The following FBXO22 variants were observed in gnomAD, a reference collection of about 807,000 sequenced individuals.
FBXO22 encodes the protein F-box protein 22.
In FBXO22, 13 loss-of-function variants were observed where a neutral mutation model predicts 37.2. The observed-to-expected ratio is 0.35, with a 90% CI of 0.23 to 0.56. The LOEUF is 0.56. Ranked by LOEUF, FBXO22 falls within the 20% of genes least tolerant of loss-of-function variation. The pLI, the probability that FBXO22 is intolerant of heterozygous loss-of-function variation, is 0.87. For synonymous variants in FBXO22, 189 were observed against 189.1 expected (o/e 1.00, Z 0.00); for missense variants, 446 against 509.9 (o/e 0.87, Z 1.21).
At chr15:75,913,073 T>A in intron 2 of FBXO22, 130 bp from the exon 3 acceptor site, 1 of 551,006 alleles carries the variant, frequency 1.8e-6, no homozygotes, top group South Asian at 2.2e-5. Context: ...AGTTGTGTGG[T>A]TTTGAGTGAG....
In FBXO22 at chr15:75,934,608, C is replaced by T. The variant is rs2030199138; in HGVS notation, c.*1506C>T. The stretch of plus-strand genomic sequence containing the variant: ...ATATGATAAAAATGCTTGGAAGAGT[C>T]CTTTAATTTATGGTTATTCTAAATC... On this transcript the variant is annotated 3_prime_UTR_variant, in exon 7 of 7. Transcript: ENST00000308275. 6.6e-6 allele frequency: 1 copy of T among 151,912 alleles called. No individual in the cohort carries two copies. Among genetic ancestry groups the T allele is most frequent in the Admixed American group, 6.6e-5 (1 of 15,256 alleles). The allele number at this position is 151,912 out of a possible 1,614,324, so 9.4% of individuals were successfully genotyped here. A position where few individuals can be genotyped will look rare whatever the true frequency, so the allele number is the denominator to read the frequency against.
In FBXO22 at chr15:75,940,248, G is replaced by A. The variant is rs1232403203; in HGVS notation, c.*7146G>A. 3 of 151,928 alleles carry A rather than the reference G, an allele frequency of 2.0e-5. No homozygotes were observed. The highest frequency in any genetic ancestry group is 1.3e-4 in the Admixed American group (2 of 15,260). 9.4% of individuals were successfully genotyped at this position (151,928 alleles called of 1,614,324 possible). A position where few individuals can be genotyped will look rare whatever the true frequency, so the allele number is the denominator to read the frequency against. On this transcript the variant is annotated 3_prime_UTR_variant, in exon 7 of 7. Transcript: ENST00000308275. ...CAAGAACAGTCCCATTTACCATAGC[G>A]TCAAAAAGAATAAAATGCACAGAAA...
At chr15:75,908,632 G>A (rs902296219) in intron 2 of FBXO22, among the ~76,000 whole-genome samples, 3 of 152,142 alleles carry the variant, frequency 2.0e-5, no homozygotes, top group Admixed American at 6.5e-5. Flanking sequence ...CAGATGACTC[G>A]AAGGTCAGGC....
intron 5 of FBXO22, among the ~76,000 whole-genome samples, chr15:75,922,043 A>C (rs1900337496): frequency 6.6e-6 from 1 of 152,158 alleles, no homozygotes; most frequent in Non-Finnish European, 1.5e-5. Context: ...TTACAATTAA[A>C]AGTATAGGAT....
At chr15:75,920,541 G>A (rs1900294401) in intron 5 of FBXO22, among the ~76,000 whole-genome samples, 1 of 152,162 alleles carries the variant, frequency 6.6e-6, no homozygotes, top group South Asian at 2.1e-4. Flanking sequence ...ATTTTATTCA[G>A]GCTGGTATGG....
intron 2 of FBXO22, among the ~76,000 whole-genome samples, chr15:75,906,724 A>G (rs1379239789): frequency 6.6e-6 from 1 of 152,148 alleles, no homozygotes; most frequent in African/African-American, 2.4e-5. Flanking sequence ...GCTTGTAGAA[A>G]ACTTTTCTTC....
intron 2 of FBXO22, among the ~76,000 whole-genome samples, chr15:75,912,423 A>G (rs1479240216): frequency 1.3e-5 from 2 of 152,150 alleles, no homozygotes; most frequent in Non-Finnish European, 2.9e-5. Flanking sequence ...TTGGTAGGCT[A>G]TTAATTACTG....
rs1478566457 is a variant in FBXO22, at chr15:75,932,689, C to T, written c.799C>T (p.Pro267Ser). 1.2e-5 allele frequency: 19 copies of T among 1,582,882 alleles called. No homozygotes were observed. The highest frequency in any genetic ancestry group is 1.5e-5 in the Non-Finnish European group (17 of 1,165,566). The change falls in exon 7 of 7, where the codon CCT (proline) becomes TCT (serine). Residue 267 changes from proline to serine, a missense_variant. By Grantham distance (74) the Pro-to-Ser change is moderately conservative. This residue lies in a region of FBXO22 where 315 missense variants were observed against 410.1 expected (regional missense o/e 0.77). Coordinates refer to ENST00000308275, the MANE Select transcript of FBXO22 (RefSeq NM_147188.3). ...CCACTTTTCTAAATTTTCCAGGAAC[C>T]CTCTGGATATTGATGCCTCGGGTGT... is the stretch of plus-strand genomic sequence containing the variant. ...NLSSLTSEKN[P>S]LDIDASGVVG... is the part of the protein sequence containing the mutation.
In FBXO22 at chr15:75,935,553, A is replaced by G. The variant is rs2030259319; in HGVS notation, c.*2451A>G. The G allele has an allele frequency of 1.3e-5, 2 of 151,620 alleles. No homozygotes were observed. Among genetic ancestry groups the G allele is most frequent in the South Asian group, 4.2e-4 (2 of 4,794 alleles). 9.4% of individuals were successfully genotyped at this position (151,620 alleles called of 1,614,324 possible). ...TTGATCCAAGTAAAATCTAAGGAAG[A>G]GGGAAAGTAAACCTTGAAATTAAGA... On this transcript the variant is annotated 3_prime_UTR_variant, in exon 7 of 7. Transcript: ENST00000308275.
In FBXO22 at chr15:75,933,049, T is replaced by A. The variant is rs1250877912; in HGVS notation, c.1159T>A (p.Phe387Ile). ...KCNEVKDDDL[F>I]HSYTTIMALI... The stretch of plus-strand genomic sequence containing the variant: ...TAATGAGGTAAAAGATGATGATCTG[T>A]TTCATAGCTATACAACAATAATGGC... Residue 387 changes from phenylalanine (F) to isoleucine (I), a missense_variant, in exon 7 of 7, where the codon TTT becomes ATT. By Grantham distance (21) the Phe-to-Ile change is conservative. This residue lies in a region of FBXO22 where 315 missense variants were observed against 410.1 expected (regional missense o/e 0.77). Coordinates refer to ENST00000308275, the MANE Select transcript of FBXO22 (RefSeq NM_147188.3). 6.2e-7 allele frequency: 1 copy of A among 1,614,180 alleles called. No individual in the cohort carries two copies. Among genetic ancestry groups the A allele is most frequent in the South Asian group, 1.1e-5 (1 of 91,088 alleles).
chr15:75,914,168 A>T lies in FBXO22; in HGVS notation c.426A>T (p.Gln142His), dbSNP rs1900131837. 1.2e-6 allele frequency: 2 copies of T among 1,613,778 alleles called. No homozygotes were observed. The highest frequency in any genetic ancestry group is 1.7e-6 in the Non-Finnish European group (2 of 1,179,812). Residue 142 changes from glutamine to histidine, a missense_variant, in exon 4 of 7, where the codon CAA becomes CAT. Transcript: ENST00000308275. ...ALALEKLFPKQCQVLGIVTPG... is the reference protein window; with the variant it reads ...ALALEKLFPKHCQVLGIVTPG... ...CCCTTGAGAAGCTATTCCCCAAACA[A>T]TGCCAAGTCCTTGGGATTGTGACCC...
At chr15:75,921,862 C>T (rs1209465343) in intron 5 of FBXO22, among the ~76,000 whole-genome samples, 2 of 152,106 alleles carry the variant, frequency 1.3e-5, no homozygotes, top group Non-Finnish European at 1.5e-5. Flanking sequence ...CTGTCTTCCA[C>T]CTCCACATCT....
chr15:75,917,509 C>A, intron 5 of FBXO22, 115 bp downstream of exon 5: 1 of 701,806 alleles, frequency 1.4e-6, no homozygotes, highest in Non-Finnish European at 2.3e-6. Flanking sequence ...GAATTAAGTA[C>A]ACCTGTCACT....
chr15:75,934,414 T>A lies in FBXO22; in HGVS notation c.*1312T>A, dbSNP rs1392253164. 6.6e-6 allele frequency: 1 copy of A among 152,244 alleles called. No individual in the cohort carries two copies. Among genetic ancestry groups the A allele is most frequent in the African/African-American group, 2.4e-5 (1 of 41,474 alleles). 9.4% of individuals were successfully genotyped at this position (152,244 alleles called of 1,614,324 possible). The stretch of plus-strand genomic sequence containing the variant: ...GCATATTCCATCTAATACAGTATGA[T>A]GTAACTAATGTTACTTTTGTAACAG... On this transcript the variant is annotated 3_prime_UTR_variant, in exon 7 of 7. Coordinates refer to ENST00000308275, the MANE Select transcript of FBXO22 (RefSeq NM_147188.3).
chr15:75,920,709 G>T (rs1415193617), intron 5 of FBXO22, among the ~76,000 whole-genome samples: 1 of 152,136 alleles, frequency 6.6e-6, no homozygotes, highest in African/African-American at 2.4e-5. Flanking sequence ...TGTAGTCCCA[G>T]CTACTTAGGA....
rs1005126924 is a variant in FBXO22 at position 75,923,487 on chromosome 15, C to T, written c.628+6093C>T. ...TGTCCTAATTTTAGGTAGAGTTGGC[C>T]TTCCATATCCATGGGTTCTGCATTC... On this transcript the variant is annotated intron_variant, in intron 5 of 6. Transcript: ENST00000308275. 2.6e-5 allele frequency among the ~76,000 whole-genome samples: 4 copies of T among 152,146 alleles called. No individual in the cohort carries two copies. The South Asian group carries it at 8.3e-4, about 32-fold the overall frequency.
At position 75,934,011 on chromosome 15, in the gene FBXO22, A is replaced by G. The variant is rs920868621; in HGVS notation, c.*909A>G. On this transcript the variant is annotated 3_prime_UTR_variant, in exon 7 of 7. Transcript: ENST00000308275. ...AATAAGAGATGTGCAGAGAGCACCA[A>G]TTTTCCTTCAATATCCATTCTTTAC... 3.3e-5 allele frequency: 5 copies of G among 153,346 alleles called. No individual in the cohort carries two copies. The highest frequency in any genetic ancestry group is 9.6e-5 in the African/African-American group (4 of 41,452). The allele number at this position is 153,346 out of a possible 1,614,324, so 9.5% of individuals were successfully genotyped here. A position where few individuals can be genotyped will look rare whatever the true frequency, so the allele number is the denominator to read the frequency against.
intron 2 of FBXO22, among the ~76,000 whole-genome samples, chr15:75,908,856 T>C (rs921871795): frequency 6.6e-6 from 1 of 152,248 alleles, no homozygotes; most frequent in Non-Finnish European, 1.5e-5. Flanking sequence ...AAATGCTGTG[T>C]GGACCAAGGA....
At chr15:75,913,182 A>ATTTTTTT in intron 2 of FBXO22, 21 bp from the exon 3 acceptor site, 5 of 1,178,226 alleles carry the variant, frequency 4.2e-6, no homozygotes, top group Non-Finnish European at 4.7e-6. Context: ...TCCAATTCCA[A>ATTTTTTT]TTTTTTTTTT....
Sources: allele counts gnomAD v4.1 joint callset (sites outside exome capture counted in the v4.1 genomes callset), GRCh38; gene constraint gnomAD v4.1.1; regional missense constraint gnomAD v4.1.1; transcripts MANE v1.5; gene names NCBI Gene and HGNC (gene_info 2026-07-23, HGNC 2026-07-21).